RBFOX1: variants seen among roughly 807,000 people sequenced by gnomAD.
RBFOX1 encodes RNA binding fox-1 homolog 1, also known as RNA binding protein fox-1 homolog 1.
In RBFOX1, 8 loss-of-function variants were observed where a neutral mutation model predicts 57.7. That is an observed-to-expected ratio of 0.14 (90% CI 0.08 to 0.25). RBFOX1 has a LOEUF of 0.25. Ranked by LOEUF, RBFOX1 falls within the 10% of genes least tolerant of loss-of-function variation. RBFOX1 has a pLI of 1.00. For synonymous variants in RBFOX1, 326 were observed against 222.4 expected, an observed-to-expected ratio of 1.47 and a Z score of -4.15; for missense variants, 611 against 548.5, an observed-to-expected ratio of 1.11 and a Z score of -1.14.
chr16:7,672,495 G>C (rs1033094470), intron 13 of RBFOX1, among the ~76,000 whole-genome samples: 1 of 152,140 alleles, frequency 6.6e-6, no homozygotes, highest in Non-Finnish European at 1.5e-5. Context: ...AGAGCAATAT[G>C]GTTAAAATTC....
intron 4 of RBFOX1, among the ~76,000 whole-genome samples, chr16:7,359,284 G>C (rs975593961): frequency 4.6e-5 from 7 of 152,194 alleles, no homozygotes; most frequent in Non-Finnish European, 4.4e-5. Context: ...ATAGTATATA[G>C]CTGTATGTAG....
At chr16:7,141,710 TCTC>T (rs1414089517) in intron 4 of RBFOX1, among the ~76,000 whole-genome samples, 1 of 152,126 alleles carries the variant, frequency 6.6e-6, no homozygotes, top group Admixed American at 6.5e-5. Flanking sequence ...GATCCCTTCT[TCTC>T]CTTTACCTCA....
At chr16:6,959,184 G>A (rs939980476) in intron 3 of RBFOX1, among the ~76,000 whole-genome samples, 4 of 152,048 alleles carry the variant, frequency 2.6e-5, no homozygotes, top group African/African-American at 7.2e-5. Flanking sequence ...TTTCATCTGT[G>A]AAATACTCGC....
intron 4 of RBFOX1, among the ~76,000 whole-genome samples, chr16:7,366,910 A>G (rs1178820827): frequency 2.6e-5 from 4 of 152,174 alleles, no homozygotes; most frequent in Non-Finnish European, 4.4e-5. Flanking sequence ...CATCCCCCCA[A>G]ATCATTTAAT....
At chr16:6,698,157 T>C (rs757155169) in intron 3 of RBFOX1, among the ~76,000 whole-genome samples, 4 of 152,212 alleles carry the variant, frequency 2.6e-5, no homozygotes, top group Non-Finnish European at 4.4e-5. Flanking sequence ...AATCCACTTA[T>C]ATTTCTTCCA....
chr16:7,659,088 C>T (rs1324796560), intron 12 of RBFOX1, among the ~76,000 whole-genome samples: 2 of 152,168 alleles, frequency 1.3e-5, no homozygotes, highest in African/African-American at 2.4e-5. Flanking sequence ...TGGTCTTGTT[C>T]TCTAGGTATC....
intron 3 of RBFOX1, among the ~76,000 whole-genome samples, chr16:6,829,246 GAAA>G (rs60363543): frequency 4.9e-5 from 7 of 141,522 alleles, no homozygotes; most frequent in African/African-American, 1.8e-4. Context: ...AATGCAGTCA[GAAA>G]AAAAAAAAAA....
intron 9 of RBFOX1, among the ~76,000 whole-genome samples, chr16:7,606,330 C>A (rs1182846095): frequency 6.6e-6 from 1 of 151,904 alleles, no homozygotes; most frequent in Non-Finnish European, 1.5e-5. Context: ...ACTATGTTGG[C>A]CAGGCTGGTC....
intron 1 of RBFOX1, among the ~76,000 whole-genome samples, chr16:5,362,248 T>C (rs1030219454): frequency 1.3e-5 from 2 of 152,018 alleles, no homozygotes; most frequent in Admixed American, 1.3e-4. Context: ...TGGAGTGCAG[T>C]GGCACGATCT....
intron 2 of RBFOX1, among the ~76,000 whole-genome samples, chr16:6,599,284 C>T (rs1459745826): frequency 1.3e-5 from 2 of 152,092 alleles, no homozygotes; most frequent in Non-Finnish European, 2.9e-5. Context: ...TAAAGCAAAA[C>T]CACATCTCTG....
intron 3 of RBFOX1, among the ~76,000 whole-genome samples, chr16:6,742,757 T>A (rs2072581517): frequency 6.6e-6 from 1 of 152,274 alleles, no homozygotes; most frequent in Admixed American, 6.5e-5. Flanking sequence ...GACTATACAA[T>A]GTCATTTATA....
chr16:6,115,132 G>T (rs1369016614), intron 1 of RBFOX1, among the ~76,000 whole-genome samples: 1 of 152,080 alleles, frequency 6.6e-6, no homozygotes. Context: ...AGCCGTGAGG[G>T]TATCTGGGTA....
intron 4 of RBFOX1, among the ~76,000 whole-genome samples, chr16:5,905,035 T>G (rs1031124013): frequency 6.8e-6 from 1 of 146,960 alleles, no homozygotes; most frequent in Non-Finnish European, 1.5e-5. Context: ...GGGTGAGCCT[T>G]AATCCCATAT....
intron 3 of RBFOX1, among the ~76,000 whole-genome samples, chr16:6,803,339 C>T (rs779829721): frequency 2.0e-5 from 3 of 152,142 alleles, no homozygotes; most frequent in Non-Finnish European, 4.4e-5. Flanking sequence ...AAAACTACAG[C>T]AGAAGTGTTG....
intron 4 of RBFOX1, among the ~76,000 whole-genome samples, chr16:7,140,402 G>C (rs909920299): frequency 1.3e-5 from 2 of 150,246 alleles, no homozygotes. Flanking sequence ...ACTTCGCTCA[G>C]TTTGCACTTA....
At chr16:6,176,139 T>G (rs926189017) in intron 1 of RBFOX1, among the ~76,000 whole-genome samples, 3 of 151,760 alleles carry the variant, frequency 2.0e-5, no homozygotes, top group Non-Finnish European at 4.4e-5. Flanking sequence ...TACACATCAT[T>G]AGTAATTTAT....
intron 2 of RBFOX1, among the ~76,000 whole-genome samples, chr16:6,332,822 A>G (rs1038014936): frequency 2.0e-5 from 3 of 152,208 alleles, no homozygotes; most frequent in Admixed American, 6.5e-5. Context: ...AGAAGGGTAG[A>G]TGAAAGGTGT....
chr16:7,033,404 C>A (rs565185378), intron 3 of RBFOX1, among the ~76,000 whole-genome samples: 5 of 152,254 alleles, frequency 3.3e-5, no homozygotes, highest in African/African-American at 4.8e-5. Flanking sequence ...CCTGTAATCC[C>A]AGCTACTTGG....
chr16:7,286,616 A>C, intron 4 of RBFOX1, among the ~76,000 whole-genome samples: 1 of 90,922 alleles, frequency 1.1e-5, no homozygotes, highest in Admixed American at 1.3e-4. Context: ...GGACTGGCTA[A>C]TTTTTTTTTT....
Sources: allele counts gnomAD v4.1 joint callset (sites outside exome capture counted in the v4.1 genomes callset), GRCh38; gene constraint gnomAD v4.1.1; transcripts MANE v1.5; gene names NCBI Gene and HGNC (gene_info 2026-07-23, HGNC 2026-07-21).